ARFGEF1: variants seen among roughly 807,000 people sequenced by gnomAD.
The protein encoded by ARFGEF1 is brefeldin A-inhibited guanine nucleotide-exchange protein 1.
ARFGEF1 carries 42 observed loss-of-function variants against 231.0 expected under a neutral mutation model. That is an observed-to-expected ratio of 0.18 (90% CI 0.14 to 0.24). ARFGEF1 has a LOEUF of 0.24. Ranked by LOEUF, ARFGEF1 falls within the 10% of genes least tolerant of loss-of-function variation. ARFGEF1 has a pLI of 1.00. For missense variants in ARFGEF1, 1,345 were observed against 2,192.0 expected, an observed-to-expected ratio of 0.61 and a Z score of 7.72; for synonymous variants, 710 against 732.3, an observed-to-expected ratio of 0.97 and a Z score of 0.49.
At chr8:67,327,800 CA>C (rs1234283921) in intron 1 of ARFGEF1, among the ~76,000 whole-genome samples, 3 of 152,234 alleles carry the variant, frequency 2.0e-5, no homozygotes, top group Non-Finnish European at 4.4e-5. Context: ...TTTTTCCAAT[CA>C]TTCATCTTCC....
intron 38 of ARFGEF1, 89 bp from the exon 39 acceptor site, chr8:67,199,187 C>T: frequency 6.8e-7 from 1 of 1,467,456 alleles, no homozygotes; most frequent in Non-Finnish European, 9.2e-7. Context: ...GGGGCTCCAT[C>T]ACAGGAGCCA....
chr8:67,201,666 A>G, intron 36 of ARFGEF1, 61 bp from the exon 37 acceptor site: 1 of 1,601,552 alleles, frequency 6.2e-7, no homozygotes, highest in Non-Finnish European at 8.5e-7. Context: ...AAGGTGAAAC[A>G]GCCCGTATGG....
intron 10 of ARFGEF1, 148 bp from the exon 11 acceptor site, chr8:67,267,590 C>G (rs1804900131): frequency 1.7e-6 from 1 of 580,136 alleles, no homozygotes; most frequent in African/African-American, 1.9e-5. Context: ...TCTGAATCCT[C>G]AGGACTAAAA....
chr8:67,204,008 G>A lies in ARFGEF1; in HGVS notation c.4959+672C>T, dbSNP rs1838424944. On this transcript the variant is annotated intron_variant, in intron 35 of 38. Transcript: ENST00000262215. ...ATTGCCCCTCTCTTGCCTACAGTCA[G>A]TTTTTCTCTCCCTACTGGAAAGCTC... 3.3e-5 allele frequency among the ~76,000 whole-genome samples: 5 copies of A among 152,262 alleles called. No individual in the cohort carries two copies. The South Asian group carries it at 1.0e-3, about 32-fold the overall frequency.
rs79536262 is a variant in ARFGEF1 at position 67,198,173 on chromosome 8, A to G, written c.*761T>C. 2.5e-3 allele frequency: 2,461 copies of G among 985,762 alleles called. 8 individuals carry two copies. Among genetic ancestry groups the G allele is most frequent in the Non-Finnish European group, 2.9e-3 (2,408 of 829,928 alleles). The allele number at this position is 985,762 out of a possible 1,614,324, so 61.1% of individuals were successfully genotyped here. On this transcript the variant is annotated 3_prime_UTR_variant, in exon 39 of 39. Transcript: ENST00000262215. ...TCTACCTTTTTTTCCCTATTGTTGAAGTGTCGGCCACAACAGCTTCTGGGC... is the reference window on the plus strand; with the variant it reads ...TCTACCTTTTTTTCCCTATTGTTGAGGTGTCGGCCACAACAGCTTCTGGGC...
chr8:67,283,758 T>C (rs1805634342), intron 7 of ARFGEF1, among the ~76,000 whole-genome samples: 1 of 151,660 alleles, frequency 6.6e-6, no homozygotes, highest in African/African-American at 2.4e-5. Context: ...ATTTCACTCA[T>C]AGAGAAATGC....
In ARFGEF1 at chr8:67,269,901, CAACTT is replaced by C. The variant is rs952138518; in HGVS notation, c.1572+1796_1572+1800del. Among the ~76,000 whole-genome samples, 62 of 152,146 alleles carry C rather than the reference CAACTT, an allele frequency of 4.1e-4. 2 individuals are homozygous for C. Among genetic ancestry groups the C allele is most frequent in the Admixed American group, 2.0e-3 (31 of 15,290 alleles). ...ATTTGCTGTGCAAAAATAGTAATCT[CAACTT>C]AAATAATTTTTGATATCTAGATCTA... On this transcript the variant is annotated intron_variant, in intron 10 of 38. Coordinates refer to ENST00000262215, the MANE Select transcript of ARFGEF1 (RefSeq NM_006421.5).
intron 7 of ARFGEF1, among the ~76,000 whole-genome samples, chr8:67,286,467 A>G (rs576208112): frequency 2.0e-5 from 3 of 152,326 alleles, no homozygotes; most frequent in East Asian, 3.9e-4. Flanking sequence ...AGGTCGTACA[A>G]TCTCTACTGG....
chr8:67,289,975 AAACAG>A (rs1345147903), intron 6 of ARFGEF1, among the ~76,000 whole-genome samples: 2 of 152,216 alleles, frequency 1.3e-5, no homozygotes, highest in Admixed American at 6.5e-5. Context: ...TATCTGAAAG[AAACAG>A]AACAGAATAA....
chr8:67,308,756 T>A (rs1806860969), intron 1 of ARFGEF1, among the ~76,000 whole-genome samples: 1 of 152,172 alleles, frequency 6.6e-6, no homozygotes, highest in African/African-American at 2.4e-5. Context: ...CAAGGAAATT[T>A]TTTTATTTTT....
intron 4 of ARFGEF1, among the ~76,000 whole-genome samples, chr8:67,297,810 T>G (rs1806304945): frequency 6.6e-6 from 1 of 151,866 alleles, no homozygotes; most frequent in African/African-American, 2.4e-5. Flanking sequence ...GTTTTTTTTT[T>G]TTTTCTTTTT....
At chr8:67,229,664 G>A (rs1839491470) in intron 23 of ARFGEF1, among the ~76,000 whole-genome samples, 3 of 151,984 alleles carry the variant, frequency 2.0e-5, no homozygotes, top group South Asian at 2.1e-4. Context: ...GATATACAAC[G>A]TCTACAGAGC....
intron 1 of ARFGEF1, among the ~76,000 whole-genome samples, chr8:67,317,876 G>A (rs1260880164): frequency 6.8e-6 from 1 of 147,294 alleles, no homozygotes; most frequent in Non-Finnish European, 1.5e-5. Context: ...TCCAGCCTGG[G>A]TGACAGAGCA....
intron 34 of ARFGEF1, 83 bp downstream of exon 34, chr8:67,211,400 G>A (rs1224348421): frequency 6.8e-6 from 5 of 731,106 alleles, no homozygotes; most frequent in Non-Finnish European, 9.8e-6. Flanking sequence ...GTATATGCTT[G>A]TTAATAATAA....
At position 67,218,210 on chromosome 8, in the gene ARFGEF1, ATAT is replaced by A. The variant is rs1563843422; in HGVS notation, c.4339-75_4339-73del. 2.0e-3 allele frequency: 195 copies of A among 96,380 alleles called. 2 individuals carry two copies. Among genetic ancestry groups the A allele is most frequent in the Admixed American group, 6.9e-3 (43 of 6,226 alleles). The allele number at this position is 96,380 out of a possible 1,614,324, so 6.0% of individuals were successfully genotyped here. ...TATGATTAAAAAAAAAAAAAAAAATATATATATATATATATATATATATAAATG... is the reference window on the plus strand; with the variant it reads ...TATGATTAAAAAAAAAAAAAAAAATAATATATATATATATATATATAAATG... On this transcript the variant is annotated intron_variant, in intron 30 of 38. Coordinates refer to ENST00000262215, the MANE Select transcript of ARFGEF1 (RefSeq NM_006421.5).
chr8:67,241,138 G>A (rs913958100), intron 19 of ARFGEF1, among the ~76,000 whole-genome samples: 1 of 152,086 alleles, frequency 6.6e-6, no homozygotes, highest in African/African-American at 2.4e-5. Context: ...GCATTACTAA[G>A]GAAAACAATT....
rs1587238832 is a variant in ARFGEF1 at position 67,291,986 on chromosome 8, T to C, written c.777A>G (p.Gln259=). 1.9e-6 allele frequency: 3 copies of C among 1,614,066 alleles called. No individual in the cohort carries two copies. Among genetic ancestry groups the C allele is most frequent in the Non-Finnish European group, 2.5e-6 (3 of 1,179,944 alleles). ...LPPQTVDHIS[Q]EHEGDLDLHT... ...GGAGGTCAAGGTCCCCTTCGTGTTC[T>C]TGGGATATATGATCAACAGTCTGAG... The change falls in exon 6 of 39, where the codon CAA becomes CAG. Residue 259 remains glutamine, a synonymous_variant. Coordinates refer to ENST00000262215, the MANE Select transcript of ARFGEF1 (RefSeq NM_006421.5).
At chr8:67,180,001 T>G in intron 5 of ARFGEF1, 1 of 784,096 alleles carries the variant, frequency 1.3e-6, no homozygotes, top group Non-Finnish European at 2.1e-6. Flanking sequence ...ACCAGTACTG[T>G]ATTCCTTGTT....
chr8:67,332,895 G>A (rs1181197350), intron 1 of ARFGEF1, among the ~76,000 whole-genome samples: 2 of 152,102 alleles, frequency 1.3e-5, no homozygotes, highest in Non-Finnish European at 2.9e-5. Flanking sequence ...GGTAATAACA[G>A]AACCTAAGCA....
Sources: allele counts gnomAD v4.1 joint callset (sites outside exome capture counted in the v4.1 genomes callset), GRCh38; gene constraint gnomAD v4.1.1; transcripts MANE v1.5; gene names NCBI Gene and HGNC (gene_info 2026-07-23, HGNC 2026-07-21).